Variants in GSG1L2 observed in about 807,000 individuals in gnomAD.
GSG1L2 encodes the protein germ cell-specific gene 1-like protein 2.
GSG1L2 carries 15 observed loss-of-function variants against 9.0 expected under a neutral mutation model. The ratio of observed to expected loss-of-function variants is 1.67; its 90% CI spans 1.12 to 2.57. GSG1L2 has a LOEUF of 2.57. Ranked by LOEUF, GSG1L2 falls within the 30% of genes most tolerant of loss-of-function variation. GSG1L2 has a pLI of 0.00. For missense variants in GSG1L2, 286 were observed against 150.3 expected (o/e 1.90, Z -4.72); for synonymous variants, 127 against 57.9 (o/e 2.19, Z -5.41).
At chr17:9,819,727 G>A (rs142962338) in intron 1 of GSG1L2, among the ~76,000 whole-genome samples, 3,474 of 152,106 alleles carry the variant, frequency 0.023, 53 homozygotes, top group Non-Finnish European at 0.033. Context: ...CTGCCTCCTG[G>A]GATCAGGCGA....
chr17:9,818,631 C>T (rs903748559), intron 1 of GSG1L2, among the ~76,000 whole-genome samples: 21 of 148,656 alleles, frequency 1.4e-4, no homozygotes, highest in African/African-American at 5.0e-4. Context: ...GCTGGGATTA[C>T]AGGTGTGAGC....
At chr17:9,804,595 A>G (rs2066510336) in intron 4 of GSG1L2, 1 of 152,196 alleles carries the variant, frequency 6.6e-6, no homozygotes, top group South Asian at 2.1e-4. Context: ...CCTTCTGAAG[A>G]CACTGACAGG....
intron 1 of GSG1L2, among the ~76,000 whole-genome samples, chr17:9,815,304 C>T (rs995959265): frequency 6.6e-6 from 1 of 152,168 alleles, no homozygotes; most frequent in Non-Finnish European, 1.5e-5. Flanking sequence ...GCAGGAGAAT[C>T]GCTTGAACCC....
chr17:9,812,263 AT>A (rs954373361), intron 1 of GSG1L2, among the ~76,000 whole-genome samples: 3 of 151,708 alleles, frequency 2.0e-5, no homozygotes, highest in East Asian at 1.9e-4. Flanking sequence ...GACTTCAAGA[AT>A]TTTTTTTTCT....
rs532472583 is a variant in GSG1L2 at position 9,815,984 on chromosome 17, A to G, written c.311-5366T>C. Among the ~76,000 whole-genome samples, 3 of 152,252 alleles carry G rather than the reference A, an allele frequency of 2.0e-5. No homozygotes were observed. The East Asian group carries it at 5.8e-4, about 30-fold the overall frequency. Reference sequence around the variant, plus strand: ...AGTGGTTTTGTAGGAAGAGGAGGACAGGGCCGAGCTAGAATGTTAGCACGC... The same window carrying G: ...AGTGGTTTTGTAGGAAGAGGAGGACGGGGCCGAGCTAGAATGTTAGCACGC... On this transcript the variant is annotated intron_variant, in intron 1 of 4. Transcript: ENST00000399363.
chr17:9,813,448 G>A (rs1460373328), intron 1 of GSG1L2, among the ~76,000 whole-genome samples: 6 of 152,224 alleles, frequency 3.9e-5, no homozygotes, highest in Non-Finnish European at 8.8e-5. Flanking sequence ...CAGGATCAGG[G>A]ACCTGTCAGT....
chr17:9,820,628 G>C lies in GSG1L2; in HGVS notation c.310+1134C>G, dbSNP rs1194328850. ...TTGGCCACCACTGGGAGAGAGGGTG[G>C]AAGGGAGGGACATACAGCACCTCTG... is the stretch of plus-strand genomic sequence containing the variant. On this transcript the variant is annotated intron_variant, in intron 1 of 4. Transcript: ENST00000399363. This position sits in a 1 kb window ranked among gnomAD's most constrained non-coding sequence, Gnocchi z 4.9. Among the ~76,000 whole-genome samples the C allele has an allele frequency of 6.6e-6, 1 of 151,864 alleles. No homozygotes were observed. Among genetic ancestry groups the C allele is most frequent in the South Asian group, 2.1e-4 (1 of 4,806 alleles).
chr17:9,811,944 C>T (rs1190356181), intron 1 of GSG1L2, among the ~76,000 whole-genome samples: 2 of 152,142 alleles, frequency 1.3e-5, no homozygotes, highest in African/African-American at 2.4e-5. Context: ...CCCATTGACT[C>T]TTCAAAGGAA....
Position 9,807,349 on chromosome 17 carries a change from G to T in GSG1L2, c.623+141C>A, listed in dbSNP as rs1186523622. On this transcript the variant is annotated intron_variant, in intron 4 of 4. Transcript: ENST00000399363. Reference sequence around the variant, plus strand: ...CGATGAGGGAATTGGGCTACAGATGGGTCACAGAATTAACCCAAAGTCACA... The same window carrying T: ...CGATGAGGGAATTGGGCTACAGATGTGTCACAGAATTAACCCAAAGTCACA... The T allele has an allele frequency of 1.6e-5, 10 of 624,970 alleles. No individual in the cohort carries two copies. In the Admixed American group the frequency reaches 2.4e-4, roughly 15 times the overall value. The allele number at this position is 624,970 out of a possible 1,614,324, so 38.7% of individuals were successfully genotyped here.
intron 1 of GSG1L2, among the ~76,000 whole-genome samples, chr17:9,814,227 C>T (rs915613385): frequency 2.0e-5 from 3 of 152,240 alleles, no homozygotes; most frequent in African/African-American, 7.2e-5. Flanking sequence ...AGACACCGCG[C>T]CTGGCCTTTC....
At chr17:9,816,725 CTG>C (rs561576532) in intron 1 of GSG1L2, among the ~76,000 whole-genome samples, 205 of 136,848 alleles carry the variant, frequency 1.5e-3, no homozygotes, top group Non-Finnish European at 2.3e-3. Context: ...GTATCTGTGT[CTG>C]TGTGTGCATG....
rs1440850685 is a variant in GSG1L2, at chr17:9,802,035, A to G, written c.*351T>C. On this transcript the variant is annotated 3_prime_UTR_variant, in exon 5 of 5. Transcript: ENST00000399363. ...CACATTTTGCCTCCCTTGTAGTTAA[A>G]AAGACTTGCTTTCCTCTTTCTTCAA... Among the ~76,000 whole-genome samples the G allele has an allele frequency of 1.3e-5, 2 of 152,210 alleles. No homozygotes were observed. Among genetic ancestry groups the G allele is most frequent in the Non-Finnish European group, 2.9e-5 (2 of 68,048 alleles).
rs553617250 is a variant in GSG1L2 at position 9,813,056 on chromosome 17, T to A, written c.311-2438A>T. ...GCCCCCACCTCCTAATACCATTACA[T>A]TGGGGTTAGGGTTTCAGCATATGAA... On this transcript the variant is annotated intron_variant, in intron 1 of 4. Transcript: ENST00000399363. Among the ~76,000 whole-genome samples the A allele has an allele frequency of 2.0e-5, 3 of 152,230 alleles. No individual in the cohort carries two copies. In the East Asian group the frequency reaches 5.8e-4, roughly 29 times the overall value.
At chr17:9,814,874 T>C (rs961181956) in intron 1 of GSG1L2, among the ~76,000 whole-genome samples, 1 of 152,156 alleles carries the variant, frequency 6.6e-6, no homozygotes, top group African/African-American at 2.4e-5. Context: ...CCTGAACTTT[T>C]TGAGTTTAGC....
At chr17:9,816,952 C>G (rs2066570165) in intron 1 of GSG1L2, among the ~76,000 whole-genome samples, 1 of 73,058 alleles carries the variant, frequency 1.4e-5, no homozygotes, top group South Asian at 6.2e-4. Flanking sequence ...AGTAAACACT[C>G]TGTGGGTTTG....
rs2066500238 is a variant in GSG1L2 at position 9,802,404 on chromosome 17, G to T, written c.864C>A (p.Gly288=). 1 of 672,206 alleles carries T rather than the reference G, an allele frequency of 1.5e-6. No homozygotes were observed. Among genetic ancestry groups the T allele is most frequent in the South Asian group, 1.6e-5 (1 of 62,562 alleles). 41.6% of individuals were successfully genotyped at this position (672,206 alleles called of 1,614,324 possible). Residue 288 remains glycine (G), a synonymous_variant, in exon 5 of 5, where the codon GGC becomes GGA. Coordinates refer to ENST00000399363, the MANE Select transcript of GSG1L2 (RefSeq NM_001310219.2). ...ACACTGGCTAGCATATGGACACCTTGCCTGGGGCGCCTGGTGGGAGGTGTC... is the reference window on the plus strand; with the variant it reads ...ACACTGGCTAGCATATGGACACCTTTCCTGGGGCGCCTGGTGGGAGGTGTC... The part of the protein sequence containing the change: ...VSGHLPPGAP[G]KVSIC
chr17:9,818,914 T>A (rs1252719592), intron 1 of GSG1L2, among the ~76,000 whole-genome samples: 1 of 152,218 alleles, frequency 6.6e-6, no homozygotes, highest in Non-Finnish European at 1.5e-5. Context: ...TTCCACTGGA[T>A]CCTTGCTCTC....
intron 3 of GSG1L2, 34 bp downstream of exon 3, chr17:9,808,796 G>C (rs1266945604): frequency 1.4e-6 from 1 of 701,436 alleles, no homozygotes; most frequent in African/African-American, 1.7e-5. Context: ...TTCCCTCTGG[G>C]GCAGCCTGTT....
chr17:9,821,043 C>T lies in GSG1L2; in HGVS notation c.310+719G>A, dbSNP rs550353792. On this transcript the variant is annotated intron_variant, in intron 1 of 4. Coordinates refer to ENST00000399363, the MANE Select transcript of GSG1L2 (RefSeq NM_001310219.2). ...GCTATGAGAATGGAAAAAGAAAAGG[C>T]AATTAGAAACTCCAGAAAAAGTTAA... Among the ~76,000 whole-genome samples the T allele has an allele frequency of 3.9e-5, 6 of 152,148 alleles. No individual in the cohort carries two copies. In the South Asian group the frequency reaches 1.2e-3, roughly 32 times the overall value.
Sources: allele counts gnomAD v4.1 joint callset (sites outside exome capture counted in the v4.1 genomes callset), GRCh38; gene constraint gnomAD v4.1.1; non-coding constraint Gnocchi (gnomAD v3.1); transcripts MANE v1.5; gene names NCBI Gene and HGNC (gene_info 2026-07-23, HGNC 2026-07-21).